Variants in GRIN2B observed in about 807,000 individuals in gnomAD.
GRIN2B encodes glutamate ionotropic receptor NMDA type subunit 2B.
A neutral mutation model predicts 114.5 loss-of-function variants in GRIN2B; 5 were observed. The observed-to-expected ratio is 0.04, with a 90% CI of 0.02 to 0.09. The LOEUF (loss-of-function observed/expected upper bound fraction) is 0.09. Among genes scored for constraint, GRIN2B ranks in the 10% least tolerant of loss-of-function variants. The pLI, the probability that GRIN2B is intolerant of heterozygous loss-of-function variation, is 1.00. For missense variants in GRIN2B, 1,108 were observed against 1,943.5 expected, an observed-to-expected ratio of 0.57 and a Z score of 8.08; for synonymous variants, 787 against 745.1, an observed-to-expected ratio of 1.06 and a Z score of -0.92.
In GRIN2B at chr12:13,736,957, G is replaced by C. The variant is rs554795178; in HGVS notation, c.1010+16360C>G. ...AGGCAGGAGAATAGCTTGGACCTGG[G>C]AGGCAGAGGTTACAATGAGCAGAGA... On this transcript the variant is annotated intron_variant, in intron 4 of 13. Transcript: ENST00000609686. Among the ~76,000 whole-genome samples the C allele has an allele frequency of 1.3e-4, 19 of 149,990 alleles. 1 individual carries two copies. The highest frequency in any genetic ancestry group is 4.4e-4 in the African/African-American group (18 of 40,860).
chr12:13,716,223 T>C (rs1003045885), intron 4 of GRIN2B, among the ~76,000 whole-genome samples: 25 of 151,872 alleles, frequency 1.6e-4, no homozygotes, highest in Non-Finnish European at 2.8e-4. Context: ...TAAATGTCCA[T>C]TGATTAAATG....
At chr12:13,784,140 C>T (rs1296000034) in intron 3 of GRIN2B, among the ~76,000 whole-genome samples, 1 of 137,360 alleles carries the variant, frequency 7.3e-6, no homozygotes, top group Non-Finnish European at 1.5e-5. Context: ...AGGAGAATGG[C>T]GTGAACCTGG....
chr12:13,653,013 C>CACA (rs1949830330), intron 5 of GRIN2B, among the ~76,000 whole-genome samples: 2 of 152,042 alleles, frequency 1.3e-5, no homozygotes, highest in African/African-American at 4.8e-5. Context: ...TTAGGAGGAT[C>CACA]CATCTGACAC....
rs868781788 is a variant in GRIN2B at position 13,537,488 on chromosome 12, A to G, written c.*25295T>C. 6.6e-6 allele frequency: 1 copy of G among 152,214 alleles called. No homozygotes were observed. The highest frequency in any genetic ancestry group is 2.1e-4 in the South Asian group (1 of 4,824). The allele number at this position is 152,214 out of a possible 1,614,324, so 9.4% of individuals were successfully genotyped here. A position where few individuals can be genotyped will look rare whatever the true frequency, so the allele number is the denominator to read the frequency against. On this transcript the variant is annotated 3_prime_UTR_variant, in exon 14 of 14. Transcript: ENST00000609686. ...GGTGCTTCCGTTATGTCCATTCTTC[A>G]GCTCCAAATGGAAGAGGAAAGAGGT...
In GRIN2B at chr12:13,663,066, G is replaced by A. The variant is rs141823023; in HGVS notation, c.1125+12679C>T. Reference sequence around the variant, plus strand: ...TAGAAGCTGAGAATCTGTACTTCTAGTAGGTTCCCCGGTGATGCTAATGCT... The same window carrying A: ...TAGAAGCTGAGAATCTGTACTTCTAATAGGTTCCCCGGTGATGCTAATGCT... On this transcript the variant is annotated intron_variant, in intron 5 of 13. Coordinates refer to ENST00000609686, the MANE Select transcript of GRIN2B (RefSeq NM_000834.5). Among the ~76,000 whole-genome samples, 5 of 152,206 alleles carry A rather than the reference G, an allele frequency of 3.3e-5. No homozygotes were observed. In the East Asian group the frequency reaches 9.7e-4, roughly 29 times the overall value.
chr12:13,855,201 G>C (rs1490731017), intron 3 of GRIN2B, among the ~76,000 whole-genome samples: 1 of 152,128 alleles, frequency 6.6e-6, no homozygotes, highest in Non-Finnish European at 1.5e-5. Flanking sequence ...CTGGGTGACA[G>C]AATGAGACCC....
In GRIN2B at chr12:13,540,712, T is replaced by C. The variant is rs1308762627; in HGVS notation, c.*22071A>G. ...ATCCCTGCATGTCCAAAATAAGAAA[T>C]AGATATTTACAGAAAACAGAAGCAA... is the stretch of plus-strand genomic sequence containing the variant. On this transcript the variant is annotated 3_prime_UTR_variant, in exon 14 of 14. Coordinates refer to ENST00000609686, the MANE Select transcript of GRIN2B (RefSeq NM_000834.5). 6.6e-6 allele frequency: 1 copy of C among 151,604 alleles called. No individual in the cohort carries two copies. Among genetic ancestry groups the C allele is most frequent in the Non-Finnish European group, 1.5e-5 (1 of 67,924 alleles). 9.4% of individuals were successfully genotyped at this position (151,604 alleles called of 1,614,324 possible).
rs994374518 is a variant in GRIN2B, at chr12:13,545,752, G to A, written c.*17031C>T. The A allele has an allele frequency of 1.3e-5, 2 of 152,002 alleles. No homozygotes were observed. The highest frequency in any genetic ancestry group is 2.9e-5 in the Non-Finnish European group (2 of 68,016). The allele number at this position is 152,002 out of a possible 1,614,324, so 9.4% of individuals were successfully genotyped here. ...GCACTTTGTCCCTCCTCTCCCCTGC[G>A]GCCTAACTCCCAAATCCCCTTCAGC... On this transcript the variant is annotated 3_prime_UTR_variant, in exon 14 of 14. Transcript: ENST00000609686.
At chr12:13,675,084 C>G (rs1302555752) in intron 5 of GRIN2B, among the ~76,000 whole-genome samples, 1 of 152,094 alleles carries the variant, frequency 6.6e-6, no homozygotes, top group Non-Finnish European at 1.5e-5. Flanking sequence ...TACTATGAAC[C>G]AGGCAACTTT....
At chr12:13,599,771 T>C (rs917217836) in intron 10 of GRIN2B, among the ~76,000 whole-genome samples, 1 of 152,172 alleles carries the variant, frequency 6.6e-6, no homozygotes, top group African/African-American at 2.4e-5. Flanking sequence ...TAAATAGATT[T>C]GAAATTTGGT....
chr12:13,648,434 C>A (rs905827262), intron 5 of GRIN2B, among the ~76,000 whole-genome samples: 2 of 152,026 alleles, frequency 1.3e-5, no homozygotes, highest in African/African-American at 4.8e-5. Flanking sequence ...AAGGGCACAG[C>A]TGGCACTGGC....
intron 3 of GRIN2B, among the ~76,000 whole-genome samples, chr12:13,788,325 C>T (rs181828452): frequency 3.3e-5 from 5 of 152,282 alleles, no homozygotes; most frequent in Non-Finnish European, 7.4e-5. Flanking sequence ...ACAGAATGGA[C>T]TAAGTTTCCA....
rs201242152 is a variant in GRIN2B, at chr12:13,866,065, C to T, written c.144G>A (p.Val48=). The T allele has an allele frequency of 1.2e-5, 20 of 1,614,068 alleles. No homozygotes were observed. In the South Asian group the frequency reaches 1.9e-4, roughly 15 times the overall value. ...AVILVGTSDE[V]AIKDAHEKDD... is the part of the protein sequence containing the mutation. ...CTTTCTCGTGGGCATCCTTGATGGCCACCTCGTCGGAAGTGCCCACGAGGA... is the reference window on the plus strand; with the variant it reads ...CTTTCTCGTGGGCATCCTTGATGGCTACCTCGTCGGAAGTGCCCACGAGGA... Residue 48 remains valine, a synonymous_variant, in exon 3 of 14, where the codon GTG becomes GTA. Coordinates refer to ENST00000609686, the MANE Select transcript of GRIN2B (RefSeq NM_000834.5).
At chr12:13,751,987 A>G (rs187194976) in intron 4 of GRIN2B, among the ~76,000 whole-genome samples, 53 of 152,246 alleles carry the variant, frequency 3.5e-4, no homozygotes, top group Middle Eastern at 6.8e-3. Context: ...ATACCTAGGG[A>G]TGATGGAAAG....
chr12:13,927,668 G>T (rs1866941890), intron 2 of GRIN2B, among the ~76,000 whole-genome samples: 1 of 151,894 alleles, frequency 6.6e-6, no homozygotes, highest in Admixed American at 6.6e-5. Flanking sequence ...AACAGAGAGG[G>T]TGCAGCCATA....
At chr12:13,793,124 A>G (rs1864348755) in intron 3 of GRIN2B, among the ~76,000 whole-genome samples, 1 of 152,168 alleles carries the variant, frequency 6.6e-6, no homozygotes, top group Non-Finnish European at 1.5e-5. Flanking sequence ...TATTCAACTC[A>G]GGGCAGGCAC....
chr12:13,784,223 C>CAAAAAAAAAAAA (rs56197649), intron 3 of GRIN2B, among the ~76,000 whole-genome samples: 1 of 71,906 alleles, frequency 1.4e-5, no homozygotes, highest in African/African-American at 5.9e-5. Flanking sequence ...GACTTCGCCT[C>CAAAAAAAAAAAA]AAAAAAAAAA....
chr12:13,769,098 G>A (rs1863857598), intron 3 of GRIN2B, among the ~76,000 whole-genome samples: 1 of 152,118 alleles, frequency 6.6e-6, no homozygotes, highest in Non-Finnish European at 1.5e-5. Context: ...CTATTTCCTT[G>A]TTTTACAGTA....
intron 2 of GRIN2B, among the ~76,000 whole-genome samples, chr12:13,902,172 T>C (rs1373077677): frequency 6.6e-6 from 1 of 152,182 alleles, no homozygotes; most frequent in Non-Finnish European, 1.5e-5. Flanking sequence ...AATCTTGATA[T>C]CTGGTAAAGC....
Sources: gnomAD v4.1 joint callset for allele counts (sites outside exome capture counted in the v4.1 genomes callset) on GRCh38, gnomAD v4.1.1 for gene constraint, MANE v1.5 for transcripts, NCBI Gene and HGNC (gene_info 2026-07-23, HGNC 2026-07-21) for gene names.